Variants in KIDINS220 observed in about 807,000 individuals in gnomAD.
KIDINS220 encodes the protein kinase D-interacting substrate of 220 kDa.
Under a neutral mutation model 157.6 loss-of-function variants are expected in KIDINS220, and 63 were observed. The observed-to-expected ratio is 0.40, with a 90% CI of 0.33 to 0.49. The LOEUF is 0.49. KIDINS220 is among the 20% of genes least tolerant of loss of function. KIDINS220 has a pLI of 0.66. For synonymous variants in KIDINS220, 732 were observed against 783.6 expected (o/e 0.93, Z 1.10); for missense variants, 1,772 against 2,171.2 (o/e 0.82, Z 3.65).
downstream of KIDINS220, chr2:8,726,768 T>G (rs961105973): frequency 2.5e-4 from 108 of 435,476 alleles, no homozygotes; most frequent in South Asian, 8.1e-4. Flanking sequence ...AAAAGGACGG[T>G]AAAAATATAG....
chr2:8,726,735 CT>C (rs1663358208), downstream of KIDINS220, among the ~76,000 whole-genome samples: 1 of 152,142 alleles, frequency 6.6e-6, no homozygotes, highest in African/African-American at 2.4e-5. Flanking sequence ...TGTCACCATG[CT>C]ATCTGCATGT....
At chr2:8,819,211 G>C (rs1264325738) in intron 2 of KIDINS220, among the ~76,000 whole-genome samples, 2 of 152,146 alleles carry the variant, frequency 1.3e-5, no homozygotes, top group Non-Finnish European at 2.9e-5. Context: ...AGGACGAGAA[G>C]AAGAAAAGTA....
At chr2:8,778,819 A>G (rs1460987276) in intron 19 of KIDINS220, 77 bp downstream of exon 19, 2 of 1,594,364 alleles carry the variant, frequency 1.3e-6, no homozygotes, top group African/African-American at 2.7e-5. Flanking sequence ...ATATTTTTCA[A>G]GGTAAAAAGG....
intron 24 of KIDINS220, among the ~76,000 whole-genome samples, chr2:8,748,911 C>A (rs1259564587): frequency 1.3e-5 from 2 of 152,232 alleles, no homozygotes; most frequent in South Asian, 2.1e-4. Context: ...GTAAGGTAAT[C>A]TTTCATTTTT....
intron 22 of KIDINS220, among the ~76,000 whole-genome samples, chr2:8,765,906 T>C (rs952425223): frequency 2.2e-4 from 33 of 152,094 alleles, no homozygotes; most frequent in African/African-American, 7.0e-4. Context: ...GATAGCCAAT[T>C]ACTTTCTGAA....
intron 26 of KIDINS220, among the ~76,000 whole-genome samples, chr2:8,738,989 T>C (rs545657939): frequency 2.0e-5 from 3 of 152,320 alleles, no homozygotes; most frequent in East Asian, 3.9e-4. Flanking sequence ...CTTCCGATTG[T>C]GCTAAAAACG....
Position 8,731,325 on chromosome 2 carries a change from CTT to C in KIDINS220, c.4709_4710del (p.Lys1570ArgfsTer9), listed in dbSNP as rs1191183726. ...AEPIRTFIKAKEYLSDALLDK... is the reference protein window; with the variant it reads ...AEPIRTFIKAXEYLSDALLDK... The stretch of plus-strand genomic sequence containing the variant: ...TCAAGGAGCGCATCCGATAAATACT[CTT>C]TGGCTTTAATGAAGGTTCTGATCGG... On this transcript the variant is annotated frameshift_variant, in exon 30 of 30. Coordinates refer to ENST00000256707, the MANE Select transcript of KIDINS220 (RefSeq NM_020738.4). LOFTEE classifies it low-confidence loss of function (END_TRUNC). The surrounding 1 kb of genome is among the most constrained non-coding windows in gnomAD (Gnocchi z 5.2). 1 of 1,614,084 alleles carries C rather than the reference CTT, an allele frequency of 6.2e-7. No individual in the cohort carries two copies. Among genetic ancestry groups the C allele is most frequent in the Admixed American group, 1.7e-5 (1 of 60,002 alleles).
At chr2:8,823,625 T>A (rs548995988) in intron 2 of KIDINS220, among the ~76,000 whole-genome samples, 1 of 152,292 alleles carries the variant, frequency 6.6e-6, no homozygotes, top group East Asian at 1.9e-4. Flanking sequence ...TTACTCCTTA[T>A]AGCAATAAGA....
intron 2 of KIDINS220, among the ~76,000 whole-genome samples, chr2:8,825,238 T>G (rs1678572037): frequency 6.6e-6 from 1 of 151,690 alleles, no homozygotes; most frequent in African/African-American, 2.4e-5. Context: ...CCAGGTGTGG[T>G]GGCGCACGAC....
intron 22 of KIDINS220, among the ~76,000 whole-genome samples, chr2:8,753,662 G>GT (rs2148065379): frequency 6.6e-6 from 1 of 152,344 alleles, no homozygotes; most frequent in South Asian, 2.1e-4. Flanking sequence ...CAGAGGAGCA[G>GT]TAAGATTTTC....
chr2:8,783,558 T>C (rs1202998737), intron 17 of KIDINS220, among the ~76,000 whole-genome samples: 2 of 152,136 alleles, frequency 1.3e-5, no homozygotes, highest in Non-Finnish European at 2.9e-5. Context: ...CACAGATGAC[T>C]TGACTCTCTA....
At chr2:8,727,157 A>G, downstream of KIDINS220, 3 of 1,154,208 alleles carry the variant, frequency 2.6e-6, no homozygotes, top group Non-Finnish European at 3.3e-6. Flanking sequence ...ACAGCCTGGA[A>G]ACTCAAAACG....
rs764754781 is a variant in KIDINS220, at chr2:8,732,058, T to C, written c.4054-76A>G. On this transcript the variant is annotated intron_variant, in intron 29 of 29. Transcript: ENST00000256707. The stretch of plus-strand genomic sequence containing the variant: ...GGCATAAACATCAGCTTAGGAAATA[T>C]ATATGTACACTAACCATTTAAAAAG... 1.6e-5 allele frequency: 21 copies of C among 1,297,368 alleles called. No homozygotes were observed. The South Asian group carries it at 2.5e-4, about 16-fold the overall frequency. 80.4% of individuals were successfully genotyped at this position (1,297,368 alleles called of 1,614,324 possible).
At chr2:8,758,301 C>A (rs1668301420) in intron 22 of KIDINS220, among the ~76,000 whole-genome samples, 1 of 152,102 alleles carries the variant, frequency 6.6e-6, no homozygotes, top group Non-Finnish European at 1.5e-5. Flanking sequence ...TCCTCACTTC[C>A]CAGGTTCCAA....
At chr2:8,772,045 G>C (rs1368712011) in intron 21 of KIDINS220, among the ~76,000 whole-genome samples, 1 of 152,162 alleles carries the variant, frequency 6.6e-6, no homozygotes, top group African/African-American at 2.4e-5. Flanking sequence ...TTAGTCTGGT[G>C]GGAAGGCACG....
chr2:8,812,520 A>G (rs201550778), intron 5 of KIDINS220, 27 bp from the exon 6 acceptor site: 1 of 1,328,418 alleles, frequency 7.5e-7, no homozygotes, highest in Non-Finnish European at 1.0e-6. Context: ...GTTGGTAGGT[A>G]GGTAGATAAG....
At chr2:8,773,625 A>G (rs568329563) in intron 21 of KIDINS220, among the ~76,000 whole-genome samples, 6 of 152,130 alleles carry the variant, frequency 3.9e-5, no homozygotes, top group Admixed American at 3.9e-4. Flanking sequence ...GGTGTGAGCC[A>G]CCACGCCTGC....
intron 4 of KIDINS220, among the ~76,000 whole-genome samples, chr2:8,814,579 G>T (rs76740288): frequency 2.3e-3 from 350 of 152,094 alleles, no homozygotes; most frequent in Non-Finnish European, 4.1e-3. Context: ...AACATATGAG[G>T]GAAACAGAAA....
intron 10 of KIDINS220, among the ~76,000 whole-genome samples, chr2:8,797,459 CAAAAGA>C (rs1056773541): frequency 2.0e-5 from 3 of 151,978 alleles, no homozygotes; most frequent in Non-Finnish European, 2.9e-5. Context: ...CACCAAGGTC[CAAAAGA>C]AAAAGAAAAA....
Sources: allele counts gnomAD v4.1 joint callset (sites outside exome capture counted in the v4.1 genomes callset), GRCh38; gene constraint gnomAD v4.1.1; non-coding constraint Gnocchi (gnomAD v3.1); transcripts MANE v1.5; gene names NCBI Gene and HGNC (gene_info 2026-07-23, HGNC 2026-07-21).